The following BEND6 variants were observed in gnomAD, a reference collection of about 807,000 sequenced individuals.
BEND6 encodes the protein BEN domain-containing protein 6.
A neutral mutation model predicts 31.8 loss-of-function variants in BEND6; 24 were observed. The observed-to-expected ratio is 0.75, with a 90% CI of 0.55 to 1.06. The LOEUF is 1.06. BEND6 is among the 50% of genes least tolerant of loss of function. The pLI, the probability that BEND6 is intolerant of heterozygous loss-of-function variation, is 0.00. For synonymous variants in BEND6, 109 were observed against 114.6 expected, an observed-to-expected ratio of 0.95 and a Z score of 0.31; for missense variants, 294 against 327.4, an observed-to-expected ratio of 0.90 and a Z score of 0.79.
intron 4 of BEND6, among the ~76,000 whole-genome samples, chr6:57,016,662 C>A (rs1827570825): frequency 6.6e-6 from 1 of 152,256 alleles, no homozygotes; most frequent in African/African-American, 2.4e-5. Context: ...CAGATCTTCC[C>A]TCCCTCTTCT....
chr6:57,023,465 A>G (rs567892324), intron 6 of BEND6, among the ~76,000 whole-genome samples: 22 of 152,034 alleles, frequency 1.4e-4, no homozygotes, highest in Non-Finnish European at 2.5e-4. Context: ...CAGTTGCATC[A>G]CGTATCTATT....
At chr6:57,018,927 A>G (rs1453359414) in intron 6 of BEND6, among the ~76,000 whole-genome samples, 1 of 152,220 alleles carries the variant, frequency 6.6e-6, no homozygotes, top group Non-Finnish European at 1.5e-5. Flanking sequence ...GGAAGGACAC[A>G]TGACAATTTA....
At chr6:56,973,989 G>A (rs974609738) in intron 1 of BEND6, among the ~76,000 whole-genome samples, 5 of 152,210 alleles carry the variant, frequency 3.3e-5, no homozygotes, top group Non-Finnish European at 5.9e-5. Flanking sequence ...CTGGCCTCAA[G>A]TGATCTGCCC....
intron 3 of BEND6, among the ~76,000 whole-genome samples, chr6:56,993,159 A>C (rs1472839157): frequency 6.6e-6 from 1 of 152,256 alleles, no homozygotes; most frequent in East Asian, 1.9e-4. Flanking sequence ...TAAGCAAATT[A>C]AAAACTACTT....
intron 2 of BEND6, among the ~76,000 whole-genome samples, chr6:56,988,925 A>G (rs1446304343): frequency 6.6e-6 from 1 of 152,058 alleles, no homozygotes; most frequent in Non-Finnish European, 1.5e-5. Context: ...CAGCTACTCA[A>G]GAGGCTGAGG....
At position 56,995,157 on chromosome 6, in the gene BEND6, A is replaced by T. The variant is rs1427570974; in HGVS notation, c.298+2602A>T. Reference sequence around the variant, plus strand: ...GAGATTCTGCCCTGTCTCCTGCAAGATCAAGTTTTCCTTCTCTAATGAATC... The same window carrying T: ...GAGATTCTGCCCTGTCTCCTGCAAGTTCAAGTTTTCCTTCTCTAATGAATC... On this transcript the variant is annotated intron_variant, in intron 3 of 6. Coordinates refer to ENST00000370746, the MANE Select transcript of BEND6 (RefSeq NM_152731.3). Among the ~76,000 whole-genome samples, 5 of 151,926 alleles carry T rather than the reference A, an allele frequency of 3.3e-5. 1 individual carries two copies. In the East Asian group the frequency reaches 9.6e-4, roughly 29 times the overall value.
chr6:56,993,404 G>A (rs1478940229), intron 3 of BEND6, among the ~76,000 whole-genome samples: 1 of 152,156 alleles, frequency 6.6e-6, no homozygotes. Flanking sequence ...AAGAAAGTGA[G>A]GCAGAACCAC....
At chr6:56,998,917 T>C (rs1320144314) in intron 3 of BEND6, among the ~76,000 whole-genome samples, 1 of 152,076 alleles carries the variant, frequency 6.6e-6, no homozygotes, top group East Asian at 1.9e-4. Context: ...ATCCAGAAAA[T>C]ATAGGGAACT....
chr6:56,991,639 G>A (rs1019015648), intron 2 of BEND6, among the ~76,000 whole-genome samples: 1 of 152,116 alleles, frequency 6.6e-6, no homozygotes, highest in Non-Finnish European at 1.5e-5. Context: ...GGGATTACAG[G>A]TGTGAGCCAC....
chr6:56,988,424 C>T (rs896425921), intron 2 of BEND6, among the ~76,000 whole-genome samples: 20 of 151,792 alleles, frequency 1.3e-4, no homozygotes, highest in African/African-American at 4.6e-4. Flanking sequence ...ATAGGAAATA[C>T]GAAGAGAAAT....
At chr6:56,961,259 G>T (rs760759822) in intron 1 of BEND6, among the ~76,000 whole-genome samples, 1 of 152,154 alleles carries the variant, frequency 6.6e-6, no homozygotes. Flanking sequence ...GGGACTATCC[G>T]TCCATGGTTA....
At chr6:56,988,948 T>C (rs1826389153) in intron 2 of BEND6, among the ~76,000 whole-genome samples, 1 of 152,068 alleles carries the variant, frequency 6.6e-6, no homozygotes, top group South Asian at 2.1e-4. Flanking sequence ...GGAGGATCAC[T>C]TGAACCAGGG....
intron 2 of BEND6, among the ~76,000 whole-genome samples, chr6:56,985,067 C>T (rs966518308): frequency 6.6e-6 from 1 of 152,178 alleles, no homozygotes; most frequent in Admixed American, 6.6e-5. Flanking sequence ...ATTGTTTTTC[C>T]AAGCTCAATA....
At chr6:56,965,751 G>T (rs13214255) in intron 1 of BEND6, among the ~76,000 whole-genome samples, 19,134 of 149,118 alleles carry the variant, frequency 0.13, 1,444 homozygotes, top group Middle Eastern at 0.2. Context: ...AAAAAGAAAT[G>T]ATCTCATCTT....
intron 1 of BEND6, among the ~76,000 whole-genome samples, chr6:56,975,138 TA>T (rs1037518091): frequency 6.6e-6 from 1 of 151,348 alleles, no homozygotes; most frequent in Admixed American, 6.6e-5. Context: ...TAAAACAAAA[TA>T]AAAAAAATAA....
Position 56,955,392 on chromosome 6 carries a change from G to T in BEND6, c.-169G>T, listed in dbSNP as rs1824664692. ...GAGGCGCTGACAGGAGCCTCCCGGC[G>T]GTGCTACCCTCCACCTCCCACCTCC... On this transcript the variant is annotated 5_prime_UTR_variant, in exon 1 of 7. Coordinates refer to ENST00000370746, the MANE Select transcript of BEND6 (RefSeq NM_152731.3). The T allele has an allele frequency of 6.6e-6, 1 of 152,256 alleles. No individual in the cohort carries two copies. The highest frequency in any genetic ancestry group is 2.1e-4 in the South Asian group (1 of 4,834). The allele number at this position is 152,256 out of a possible 1,614,324, so 9.4% of individuals were successfully genotyped here.
rs180918762 is a variant in BEND6, at chr6:57,012,744, T to C, written c.299-2389T>C. On this transcript the variant is annotated intron_variant, in intron 3 of 6. Coordinates refer to ENST00000370746, the MANE Select transcript of BEND6 (RefSeq NM_152731.3). ...GAAAATACATTAATAAAAATAGAGA[T>C]ACACAGGCAGAAATGACAAGAATGA... Among the ~76,000 whole-genome samples, 4 of 152,250 alleles carry C rather than the reference T, an allele frequency of 2.6e-5. No individual in the cohort carries two copies. The East Asian group carries it at 7.7e-4, about 29-fold the overall frequency.
intron 3 of BEND6, among the ~76,000 whole-genome samples, chr6:57,004,048 A>G (rs1400023485): frequency 2.6e-5 from 4 of 152,336 alleles, no homozygotes; most frequent in African/African-American, 7.2e-5. Context: ...TGAGCCACCT[A>G]TGACAAACCC....
intron 1 of BEND6, among the ~76,000 whole-genome samples, chr6:56,981,325 A>C (rs967228214): frequency 1.3e-5 from 2 of 152,170 alleles, no homozygotes; most frequent in Non-Finnish European, 2.9e-5. Flanking sequence ...TTCGGTTCTT[A>C]TGAAATCTAT....
Sources: allele counts gnomAD v4.1 joint callset (sites outside exome capture counted in the v4.1 genomes callset), GRCh38; gene constraint gnomAD v4.1.1; transcripts MANE v1.5; gene names NCBI Gene and HGNC (gene_info 2026-07-23, HGNC 2026-07-21).